The following FER variants were observed in gnomAD, a reference collection of about 807,000 sequenced individuals.
FER encodes tyrosine-protein kinase Fer.
In FER, 63 loss-of-function variants were observed where a neutral mutation model predicts 111.0. The observed-to-expected ratio is 0.57, with a 90% CI of 0.46 to 0.70. The LOEUF (loss-of-function observed/expected upper bound fraction) is 0.70, where lower values mean the gene tolerates loss of function less well. Ranked by LOEUF, FER falls within the 30% of genes least tolerant of loss-of-function variation. The pLI is 0.00. For missense variants in FER, 914 were observed against 954.0 expected (o/e 0.96, Z 0.55); for synonymous variants, 327 against 313.9 (o/e 1.04, Z -0.44).
chr5:108,874,955 A>G (rs920652622), intron 8 of FER, among the ~76,000 whole-genome samples: 1 of 152,242 alleles, frequency 6.6e-6, no homozygotes. Flanking sequence ...AAGTTGGTGT[A>G]TAATTTGGCA....
intron 17 of FER, among the ~76,000 whole-genome samples, chr5:109,130,836 A>C (rs1195166422): frequency 6.6e-6 from 1 of 152,110 alleles, no homozygotes; most frequent in African/African-American, 2.4e-5. Context: ...AGGACAAGGG[A>C]ATCCTTTTTA....
At chr5:108,854,288 C>A (rs1483034472) in intron 5 of FER, among the ~76,000 whole-genome samples, 1 of 152,200 alleles carries the variant, frequency 6.6e-6, no homozygotes, top group Non-Finnish European at 1.5e-5. Flanking sequence ...CAGGTATCTT[C>A]TCTTAAAGGG....
At chr5:109,094,029 T>C (rs17534668) in intron 16 of FER, among the ~76,000 whole-genome samples, 16,194 of 152,150 alleles carry the variant, frequency 0.11, 863 homozygotes, top group Non-Finnish European at 0.12. Context: ...ACAGTCGAAC[T>C]TCTTTGCCTT....
At chr5:109,071,168 A>G (rs1231990989) in intron 16 of FER, among the ~76,000 whole-genome samples, 8 of 152,024 alleles carry the variant, frequency 5.3e-5, no homozygotes, top group Admixed American at 4.6e-4. Context: ...AGGTTACAAT[A>G]GAAGGCATTA....
chr5:108,879,698 A>ATATAT (rs1371273138), intron 8 of FER, among the ~76,000 whole-genome samples: 1 of 110,812 alleles, frequency 9.0e-6, no homozygotes, highest in Non-Finnish European at 1.8e-5. Context: ...TAGATTAAAA[A>ATATAT]AAAATATATA....
intron 13 of FER, among the ~76,000 whole-genome samples, chr5:109,025,501 C>T (rs1465233375): frequency 1.3e-5 from 2 of 152,024 alleles, no homozygotes; most frequent in Admixed American, 6.6e-5. Context: ...AGTTGCCTAT[C>T]AGCTTAAGGA....
At chr5:108,804,979 T>A (rs1408253255) in intron 3 of FER, among the ~76,000 whole-genome samples, 1 of 151,894 alleles carries the variant, frequency 6.6e-6, no homozygotes, top group African/African-American at 2.4e-5. Flanking sequence ...TTTTTTTTTT[T>A]AATTGGATAG....
At chr5:109,081,345 C>A (rs989645278) in intron 16 of FER, among the ~76,000 whole-genome samples, 1 of 151,972 alleles carries the variant, frequency 6.6e-6, no homozygotes, top group African/African-American at 2.4e-5. Flanking sequence ...ACATTTGAAA[C>A]AAGTTACTTT....
Position 109,031,943 on chromosome 5 carries a change from TA to T in FER, c.1657-5478del, listed in dbSNP as rs544375852. Among the ~76,000 whole-genome samples the T allele has an allele frequency of 9.2e-5, 14 of 152,346 alleles. No individual in the cohort carries two copies. The East Asian group carries it at 1.9e-3, about 21-fold the overall frequency. ...TCATCTGTTTGGAGATGAACTTTCC[TA>T]GAGAAGCAGTGCTAGCAATGCTTAA... On this transcript the variant is annotated intron_variant, in intron 13 of 19. Transcript: ENST00000281092.
intron 1 of FER, among the ~76,000 whole-genome samples, chr5:108,760,413 G>A (rs79313513): frequency 0.023 from 3,560 of 152,170 alleles, 135 homozygotes; most frequent in African/African-American, 0.082. Context: ...TTGAAGTCAC[G>A]CATTAACTTT....
chr5:109,011,056 A>T (rs1300223543), intron 13 of FER, among the ~76,000 whole-genome samples: 6 of 152,192 alleles, frequency 3.9e-5, no homozygotes, highest in Non-Finnish European at 8.8e-5. Flanking sequence ...TAGGTTTTTA[A>T]ATATGCATAT....
intron 17 of FER, among the ~76,000 whole-genome samples, chr5:109,165,044 G>A (rs555311488): frequency 6.6e-6 from 1 of 152,186 alleles, no homozygotes; most frequent in East Asian, 1.9e-4. Flanking sequence ...ATTTGATGAT[G>A]TATTATTTAA....
chr5:108,992,230 A>T (rs1340870252), intron 13 of FER, among the ~76,000 whole-genome samples: 1 of 152,138 alleles, frequency 6.6e-6, no homozygotes, highest in Admixed American at 6.5e-5. Context: ...AGGCAGAAGA[A>T]TTTTTCTAGT....
intron 16 of FER, among the ~76,000 whole-genome samples, chr5:109,050,591 G>A (rs1403453388): frequency 1.3e-5 from 2 of 152,204 alleles, no homozygotes; most frequent in Non-Finnish European, 1.5e-5. Context: ...ACCATTAAAT[G>A]AATGTGAGTA....
intron 16 of FER, among the ~76,000 whole-genome samples, chr5:109,080,139 A>C (rs995670084): frequency 1.3e-5 from 2 of 152,140 alleles, no homozygotes; most frequent in Non-Finnish European, 2.9e-5. Context: ...CATTAAACTT[A>C]TATGCATGTC....
chr5:109,163,308 A>G (rs1756195662), intron 17 of FER, among the ~76,000 whole-genome samples: 1 of 152,086 alleles, frequency 6.6e-6, no homozygotes, highest in Admixed American at 6.5e-5. Flanking sequence ...CAGGTGGGTT[A>G]TTTCCAGTTT....
intron 17 of FER, among the ~76,000 whole-genome samples, chr5:109,131,823 A>C (rs1196832066): frequency 6.6e-6 from 1 of 152,190 alleles, no homozygotes; most frequent in Non-Finnish European, 1.5e-5. Flanking sequence ...TATTAGGTTA[A>C]GGGCCTAGGA....
At chr5:108,842,439 AG>A (rs1405472153) in intron 5 of FER, 5 of 152,198 alleles carry the variant, frequency 3.3e-5, no homozygotes, top group African/African-American at 1.2e-4. Flanking sequence ...GCACAGCAAA[AG>A]GAACAGTCAG....
chr5:108,792,697 T>G (rs1755516985), intron 2 of FER, among the ~76,000 whole-genome samples: 2 of 152,062 alleles, frequency 1.3e-5, no homozygotes, highest in African/African-American at 4.8e-5. Context: ...TTTGTAAAAT[T>G]TATTCCTAAG....
Sources: allele counts gnomAD v4.1 joint callset (sites outside exome capture counted in the v4.1 genomes callset), GRCh38; gene constraint gnomAD v4.1.1; transcripts MANE v1.5; gene names NCBI Gene and HGNC (gene_info 2026-07-23, HGNC 2026-07-21).